Variants in CAPS2 observed in about 807,000 individuals in gnomAD.
The protein encoded by CAPS2 is calcyphosine 2.
Under a neutral mutation model 86.5 loss-of-function variants are expected in CAPS2, and 98 were observed. That is an observed-to-expected ratio of 1.13 (90% CI 0.96 to 1.34). The LOEUF is 1.34. CAPS2 is among the 40% of genes most tolerant of loss of function. The pLI, the probability that CAPS2 is intolerant of heterozygous loss-of-function variation, is 0.00. For missense variants in CAPS2, 729 were observed against 686.8 expected, an observed-to-expected ratio of 1.06 and a Z score of -0.69; for synonymous variants, 210 against 225.1, an observed-to-expected ratio of 0.93 and a Z score of 0.60.
chr12:75,366,560 CT>C (rs1219951908), intron 1 of CAPS2, among the ~76,000 whole-genome samples: 2 of 152,082 alleles, frequency 1.3e-5, no homozygotes, highest in African/African-American at 4.8e-5. Flanking sequence ...TGCACAAACA[CT>C]TGCAAAGAGA....
chr12:75,311,706 AAAAAAC>A (rs1353412920), intron 7 of CAPS2, among the ~76,000 whole-genome samples: 4 of 14,972 alleles, frequency 2.7e-4, no homozygotes, highest in Non-Finnish European at 1.9e-4. Flanking sequence ...GCAGGAAAAA[AAAAAAC>A]AAAAAAAAAA....
chr12:75,331,718 T>C (rs1048727415), upstream of CAPS2, among the ~76,000 whole-genome samples: 10 of 151,682 alleles, frequency 6.6e-5, no homozygotes, highest in African/African-American at 2.4e-4. Flanking sequence ...CGCCCGCCAC[T>C]ACGCCCGGCT....
At chr12:75,320,842 T>C (rs967784711) in intron 5 of CAPS2, among the ~76,000 whole-genome samples, 11 of 151,934 alleles carry the variant, frequency 7.2e-5, no homozygotes, top group Non-Finnish European at 1.5e-4. Flanking sequence ...ATGAAAGCAT[T>C]ACAATTACTA....
chr12:75,379,258 T>A (rs2044827523), intron 1 of CAPS2, among the ~76,000 whole-genome samples: 1 of 152,228 alleles, frequency 6.6e-6, no homozygotes, highest in South Asian at 2.1e-4. Flanking sequence ...CTATAGGAAC[T>A]TTCAAGTTGT....
chr12:75,343,899 T>TA, intron 1 of CAPS2: 2 of 1,611,560 alleles, frequency 1.2e-6, no homozygotes, highest in Non-Finnish European at 1.7e-6. Context: ...ATGATTTTGA[T>TA]AGTCTATCAT....
chr12:75,316,521 T>C, intron 5 of CAPS2, 87 bp from the exon 6 acceptor site: 1 of 1,178,568 alleles, frequency 8.5e-7, no homozygotes, highest in East Asian at 2.8e-5. Context: ...AACTACGGAA[T>C]ATCTCAGTGA....
exon 17 of CAPS2, chr12:75,277,553 A>C: frequency 3.2e-6 from 3 of 944,458 alleles, no homozygotes; most frequent in Non-Finnish European, 3.8e-6. Flanking sequence ...TAGCCAGTGA[A>C]AATAGCACTA....
chr12:75,282,467 A>G, intron 15 of CAPS2, 120 bp from the exon 16 acceptor site: 1 of 662,802 alleles, frequency 1.5e-6, no homozygotes, highest in Non-Finnish European at 2.7e-6. Flanking sequence ...GCTCACTGCA[A>G]TCTCCGCCTC....
intron 1 of CAPS2, among the ~76,000 whole-genome samples, chr12:75,344,264 T>C (rs148365680): frequency 1.4e-3 from 209 of 152,216 alleles, no homozygotes; most frequent in African/African-American, 4.6e-3. Flanking sequence ...AAGTTACTCA[T>C]GTAGAAAGCC....
At chr12:75,312,792 A>C (rs926005582) in intron 7 of CAPS2, 56 bp downstream of exon 7, 1 of 1,044,164 alleles carries the variant, frequency 9.6e-7, no homozygotes, top group Non-Finnish European at 1.5e-6. Context: ...ATGCATGAAA[A>C]TAAATTTAAT....
At chr12:75,295,700 C>T (rs2036760070) in intron 11 of CAPS2, among the ~76,000 whole-genome samples, 1 of 152,020 alleles carries the variant, frequency 6.6e-6, no homozygotes, top group South Asian at 2.1e-4. Context: ...GGTAGTTATA[C>T]CATCATGTCA....
chr12:75,293,404 T>C (rs186709656), intron 11 of CAPS2, 37 bp from the exon 12 acceptor site: 5 of 1,312,446 alleles, frequency 3.8e-6, no homozygotes, highest in Admixed American at 1.9e-5. Context: ...CTAGAAAGCA[T>C]GTAAGAAATA....
chr12:75,378,645 G>A lies in CAPS2; in HGVS notation c.-395+12193C>T, dbSNP rs115801210. Among the ~76,000 whole-genome samples, 536 of 152,300 alleles carry A rather than the reference G, an allele frequency of 3.5e-3. 3 individuals are homozygous for A. The highest frequency in any genetic ancestry group is 0.012 in the African/African-American group (518 of 41,548). Reference sequence around the variant, plus strand: ...AGGATTTCTTTTTAAGAAAAACTCAGTCTTTGTACTTAAGGCCTTCAACTG... The same window carrying A: ...AGGATTTCTTTTTAAGAAAAACTCAATCTTTGTACTTAAGGCCTTCAACTG... On this transcript the variant is annotated intron_variant, in intron 1 of 5. Transcript: ENST00000551829.
At position 75,285,038 on chromosome 12, in the gene CAPS2, C is replaced by T. The variant is rs148668279; in HGVS notation, c.1438G>A (p.Gly480Ser). Residue 480 changes from glycine (G) to serine (S), a missense_variant, in exon 15 of 17, where the codon GGC becomes AGC. Physicochemically the swap from Gly to Ser is moderately conservative, Grantham distance 56. Coordinates refer to ENST00000393284, the Ensembl canonical transcript of CAPS2. ...TTGAATTCTCCATAATCAACCTTGCCATTGCCATTGTCATTCAGAATTAGC... is the reference window on the plus strand; with the variant it reads ...TTGAATTCTCCATAATCAACCTTGCTATTGCCATTGTCATTCAGAATTAGC... 37 of 1,611,274 alleles carry T rather than the reference C, an allele frequency of 2.3e-5. No homozygotes were observed. In the African/African-American group the frequency reaches 3.3e-4, roughly 15 times the overall value.
intron 7 of CAPS2, chr12:75,306,406 C>T: frequency 2.7e-6 from 1 of 371,636 alleles, no homozygotes; most frequent in Non-Finnish European, 5.1e-6. Context: ...CTCACCAGGC[C>T]TGTGGAAGGG....
At chr12:75,337,919 T>G (rs2041847968) in intron 1 of CAPS2, among the ~76,000 whole-genome samples, 1 of 152,100 alleles carries the variant, frequency 6.6e-6, no homozygotes, top group African/African-American at 2.4e-5. Flanking sequence ...ACAGGGATAT[T>G]TAACCAATGT....
At chr12:75,355,472 C>A (rs551502744) in intron 1 of CAPS2, among the ~76,000 whole-genome samples, 33 of 152,248 alleles carry the variant, frequency 2.2e-4, no homozygotes, top group African/African-American at 7.9e-4. Context: ...CCAGAAACAA[C>A]AGATGCTGGT....
At chr12:75,373,994 C>T (rs1471169113) in intron 1 of CAPS2, 9 of 152,150 alleles carry the variant, frequency 5.9e-5, no homozygotes, top group Admixed American at 1.3e-4. Context: ...CACAGTCAAA[C>T]GTTCAGTTTC....
intron 11 of CAPS2, among the ~76,000 whole-genome samples, chr12:75,293,908 C>T (rs940653659): frequency 6.6e-6 from 1 of 152,066 alleles, no homozygotes; most frequent in Non-Finnish European, 1.5e-5. Context: ...ATAAACAAAG[C>T]CAGTGTAAGG....
Sources: allele counts gnomAD v4.1 joint callset (sites outside exome capture counted in the v4.1 genomes callset), GRCh38; gene constraint gnomAD v4.1.1; transcripts MANE v1.5; gene names NCBI Gene and HGNC (gene_info 2026-07-23, HGNC 2026-07-21).